Variants in SLC16A12 observed in about 807,000 individuals in gnomAD.
SLC16A12 encodes monocarboxylate transporter 12.
In SLC16A12, 17 loss-of-function variants were observed where a neutral mutation model predicts 42.4. That is an observed-to-expected ratio of 0.40 (90% CI 0.27 to 0.60). The LOEUF (loss-of-function observed/expected upper bound fraction) is 0.60. SLC16A12 is among the 20% of genes least tolerant of loss of function. The pLI is 0.42. For synonymous variants in SLC16A12, 224 were observed against 229.4 expected, an observed-to-expected ratio of 0.98 and a Z score of 0.21; for missense variants, 544 against 623.0, an observed-to-expected ratio of 0.87 and a Z score of 1.35.
rs371285968 is a variant in SLC16A12, at chr10:89,462,472, C to T, written c.107G>A (p.Arg36Lys). 13 of 1,614,040 alleles carry T rather than the reference C, an allele frequency of 8.1e-6. No homozygotes were observed. The highest frequency in any genetic ancestry group is 1.0e-5 in the Non-Finnish European group (12 of 1,179,948). The change falls in exon 3 of 8, where the codon AGA becomes AAA. Residue 36 changes from arginine (R) to lysine (K), a missense_variant. Coordinates refer to ENST00000371790, the MANE Select transcript of SLC16A12 (RefSeq NM_213606.4). ...ATCTGGAGGGGAGGTAGACCGAGCT[C>T]TATTTACTTTTGCCATGGTTTTTCT... ...EKRKTMAKVN[R>K]ARSTSPPDGG... is the part of the protein sequence containing the mutation.
chr10:89,499,731 C>T (rs1349252487), intron 2 of SLC16A12, among the ~76,000 whole-genome samples: 3 of 151,932 alleles, frequency 2.0e-5, no homozygotes, highest in Non-Finnish European at 2.9e-5. Flanking sequence ...TAAGGTCACA[C>T]CTCAAGGAAC....
At chr10:89,486,603 AAAAGAAAGAAAG>A (rs141642264) in intron 2 of SLC16A12, among the ~76,000 whole-genome samples, 3,344 of 70,338 alleles carry the variant, frequency 0.048, 195 homozygotes, top group African/African-American at 0.099. Context: ...AAAAAAAAAA[AAAAGAAAGAAAG>A]AAAGAAAGAA....
chr10:89,546,360 A>G (rs910613281), intron 2 of SLC16A12, among the ~76,000 whole-genome samples: 4 of 152,224 alleles, frequency 2.6e-5, no homozygotes, highest in African/African-American at 9.6e-5. Flanking sequence ...AACACCATCA[A>G]AAAGTGAGCA....
intron 5 of SLC16A12, 76 bp downstream of exon 5, chr10:89,441,032 G>T: frequency 9.0e-6 from 14 of 1,562,044 alleles, no homozygotes; most frequent in Non-Finnish European, 1.1e-5. Flanking sequence ...AATATTTTAT[G>T]AATTACTTCT....
chr10:89,462,495 T>C lies in SLC16A12; in HGVS notation c.84A>G (p.Arg28=), dbSNP rs1196043247. Residue 28 remains arginine (R), a synonymous_variant, in exon 3 of 8, where the codon AGA becomes AGG. Coordinates refer to ENST00000371790, the MANE Select transcript of SLC16A12 (RefSeq NM_213606.4). The part of the protein sequence containing the change: ...LLEQPGKEEK[R]KTMAKVNRAR... ...CTCTATTTACTTTTGCCATGGTTTTTCTTTTTTCTTCTTTTCCAGGTTGCT... is the reference window on the plus strand; with the variant it reads ...CTCTATTTACTTTTGCCATGGTTTTCCTTTTTTCTTCTTTTCCAGGTTGCT... The C allele has an allele frequency of 6.2e-7, 1 of 1,613,984 alleles. No individual in the cohort carries two copies. Among genetic ancestry groups the C allele is most frequent in the East Asian group, 2.2e-5 (1 of 44,868 alleles).
intron 2 of SLC16A12, among the ~76,000 whole-genome samples, chr10:89,465,419 G>T (rs1427845657): frequency 6.6e-6 from 1 of 152,130 alleles, no homozygotes; most frequent in African/African-American, 2.4e-5. Flanking sequence ...TGGTACCATT[G>T]GTATTTCCCT....
At chr10:89,452,140 A>G (rs756633444) in intron 3 of SLC16A12, among the ~76,000 whole-genome samples, 1 of 152,214 alleles carries the variant, frequency 6.6e-6, no homozygotes, top group Non-Finnish European at 1.5e-5. Context: ...AAGGAAATGG[A>G]AAGATCAGCC....
chr10:89,521,860 T>C (rs1195055451), intron 2 of SLC16A12, among the ~76,000 whole-genome samples: 3 of 152,254 alleles, frequency 2.0e-5, no homozygotes, highest in African/African-American at 7.2e-5. Context: ...ATGTAAGCTA[T>C]GCAACTGTCC....
At chr10:89,481,522 T>A (rs1199224991) in intron 2 of SLC16A12, among the ~76,000 whole-genome samples, 1 of 152,112 alleles carries the variant, frequency 6.6e-6, no homozygotes, top group Admixed American at 6.6e-5. Flanking sequence ...AGATTAAAAG[T>A]TTCCCCCTCA....
At position 89,430,916 on chromosome 10, in the gene SLC16A12, A is replaced by G. The variant is rs1841684641; in HGVS notation, c.*2148T>C. 3.0e-6 allele frequency: 1 copy of G among 338,494 alleles called. No individual in the cohort carries two copies. The highest frequency in any genetic ancestry group is 5.7e-6 in the Non-Finnish European group (1 of 175,690). The allele number at this position is 338,494 out of a possible 1,614,324, so 21.0% of individuals were successfully genotyped here. A position where few individuals can be genotyped will look rare whatever the true frequency, so the allele number is the denominator to read the frequency against. ...TATTTTTAAACATCTTTAGGCTTGA[A>G]AATTCAAGAAATGATATTTAGGGCA... On this transcript the variant is annotated 3_prime_UTR_variant, in exon 8 of 8. Transcript: ENST00000371790.
intron 6 of SLC16A12, 117 bp from the exon 7 acceptor site, chr10:89,436,436 T>C: frequency 1.6e-6 from 2 of 1,216,498 alleles, no homozygotes; most frequent in Non-Finnish European, 2.4e-6. Flanking sequence ...GCTTTCCCAT[T>C]GTGTGTTATG....
chr10:89,462,733 T>TA, intron 2 of SLC16A12, 109 bp from the exon 3 acceptor site: 6 of 1,227,300 alleles, frequency 4.9e-6, no homozygotes, highest in Non-Finnish European at 6.6e-6. Flanking sequence ...TATGAGTATT[T>TA]GTAACTATGA....
At position 89,483,767 on chromosome 10, in the gene SLC16A12, AC is replaced by A. The variant is rs369700506; in HGVS notation, c.-46-21144del. On this transcript the variant is annotated intron_variant, in intron 2 of 7. Coordinates refer to ENST00000371790, the MANE Select transcript of SLC16A12 (RefSeq NM_213606.4). Reference sequence around the variant, plus strand: ...AAAAAAAAAAAACAAAAAAAAAAAAACGGAAGAAGAAAATCCTGATAACAAT... The same window carrying A: ...AAAAAAAAAAAACAAAAAAAAAAAAAGGAAGAAGAAAATCCTGATAACAAT... Among the ~76,000 whole-genome samples, 1,165 of 151,306 alleles carry A rather than the reference AC, an allele frequency of 7.7e-3. 17 individuals are homozygous for A. Among genetic ancestry groups the A allele is most frequent in the African/African-American group, 0.027 (1,111 of 41,146 alleles).
At chr10:89,499,379 C>T (rs190841996) in intron 2 of SLC16A12, among the ~76,000 whole-genome samples, 42 of 152,108 alleles carry the variant, frequency 2.8e-4, no homozygotes, top group African/African-American at 9.6e-4. Flanking sequence ...ACATGGAGAA[C>T]GCTCGTCTCT....
rs1343072638 is a variant in SLC16A12, at chr10:89,441,271, T to C, written c.305-20A>G. On this transcript the variant is annotated intron_variant, in intron 4 of 7. Transcript: ENST00000371790. ...GTGGAGCTTCAAAAACAATAAGAAA[T>C]AGGTTCAACAGAAAGGCCTTGAGGG... 3 of 1,613,728 alleles carry C rather than the reference T, an allele frequency of 1.9e-6. No homozygotes were observed. The highest frequency in any genetic ancestry group is 2.2e-5 in the East Asian group (1 of 44,850).
chr10:89,535,969 G>A (rs964071384), upstream of SLC16A12, among the ~76,000 whole-genome samples: 1 of 152,284 alleles, frequency 6.6e-6, no homozygotes. Flanking sequence ...ACTCTGCCTG[G>A]CCGGCAAAGA....
chr10:89,437,260 T>G (rs1841816254), intron 6 of SLC16A12, among the ~76,000 whole-genome samples: 1 of 152,232 alleles, frequency 6.6e-6, no homozygotes, highest in African/African-American at 2.4e-5. Flanking sequence ...CCAAGTGGTA[T>G]TCCCATTAAT....
intron 2 of SLC16A12, among the ~76,000 whole-genome samples, chr10:89,512,390 TC>T (rs1305511021): frequency 3.9e-5 from 6 of 152,168 alleles, no homozygotes; most frequent in African/African-American, 1.4e-4. Context: ...GTCTGCAGGC[TC>T]CTGGGCAGCC....
rs1019763926 is a variant in SLC16A12, at chr10:89,535,528, C to G, written c.-273G>C. The G allele has an allele frequency of 5.2e-5, 8 of 153,032 alleles. No homozygotes were observed. Among genetic ancestry groups the G allele is most frequent in the African/African-American group, 1.9e-4 (8 of 41,478 alleles). The allele number at this position is 153,032 out of a possible 1,614,324, so 9.5% of individuals were successfully genotyped here. ...GCTTCTTGGCCAGGGCGCTGGGGAT[C>G]CGGGAGCGGGGGCCGCCGGCGAGAC... On this transcript the variant is annotated 5_prime_UTR_variant, in exon 1 of 8. Coordinates refer to ENST00000371790, the MANE Select transcript of SLC16A12 (RefSeq NM_213606.4).
Sources: allele counts gnomAD v4.1 joint callset (sites outside exome capture counted in the v4.1 genomes callset), GRCh38; gene constraint gnomAD v4.1.1; transcripts MANE v1.5; gene names NCBI Gene and HGNC (gene_info 2026-07-23, HGNC 2026-07-21).